Variants in CSPP1 observed in about 807,000 individuals in gnomAD.
CSPP1 encodes centrosome and spindle pole associated protein 1, also known as centrosome and spindle pole-associated protein 1.
A neutral mutation model predicts 164.4 loss-of-function variants in CSPP1; 126 were observed. The ratio of observed to expected loss-of-function variants is 0.77; its 90% CI spans 0.66 to 0.89. The LOEUF (loss-of-function observed/expected upper bound fraction) is 0.89. Among genes scored for constraint, CSPP1 ranks in the 40% least tolerant of loss-of-function variants. CSPP1 has a pLI of 0.00. For synonymous variants in CSPP1, 472 were observed against 476.7 expected (o/e 0.99, Z 0.13); for missense variants, 1,395 against 1,449.8 (o/e 0.96, Z 0.61).
intron 7 of CSPP1, among the ~76,000 whole-genome samples, chr8:67,096,025 GA>G (rs1812681183): frequency 6.6e-6 from 1 of 152,196 alleles, no homozygotes; most frequent in Non-Finnish European, 1.5e-5. Context: ...GGACAGAGAG[GA>G]AATGTCCACA....
intron 13 of CSPP1, among the ~76,000 whole-genome samples, 166 bp downstream of exon 13, chr8:67,116,288 A>G (rs1210368012): frequency 6.6e-6 from 1 of 152,144 alleles, no homozygotes; most frequent in South Asian, 2.1e-4. Context: ...CTGCTATTAT[A>G]AAAAAAGGGA....
chr8:67,095,804 T>C (rs2129545586), intron 7 of CSPP1, 72 bp downstream of exon 7: 1 of 929,040 alleles, frequency 1.1e-6, no homozygotes, highest in Middle Eastern at 3.2e-4. Context: ...CTGTTGTTAC[T>C]TTTTATCATT....
intron 15 of CSPP1, 78 bp downstream of exon 15, chr8:67,118,899 C>G: frequency 2.1e-6 from 2 of 947,350 alleles, no homozygotes; most frequent in East Asian, 2.5e-5. Flanking sequence ...AGCCACCATC[C>G]TAACATTTTA....
At chr8:67,078,112 G>A (rs899067897) in intron 3 of CSPP1, among the ~76,000 whole-genome samples, 2 of 151,936 alleles carry the variant, frequency 1.3e-5, no homozygotes, top group African/African-American at 4.8e-5. Flanking sequence ...TTAATAGTAG[G>A]TTATCTCAAG....
chr8:67,133,367 C>G (rs968903288), intron 16 of CSPP1, among the ~76,000 whole-genome samples: 1 of 152,096 alleles, frequency 6.6e-6, no homozygotes, highest in African/African-American at 2.4e-5. Context: ...AGGTTTAGTT[C>G]CAGACCACAG....
intron 15 of CSPP1, among the ~76,000 whole-genome samples, chr8:67,120,665 C>T (rs1818796720): frequency 6.6e-6 from 1 of 151,712 alleles, no homozygotes; most frequent in Non-Finnish European, 1.5e-5. Flanking sequence ...TCAAATTGTT[C>T]ATTGTTAGTG....
At chr8:67,151,051 G>C (rs1017833587) in intron 18 of CSPP1, among the ~76,000 whole-genome samples, 1 of 152,136 alleles carries the variant, frequency 6.6e-6, no homozygotes, top group Non-Finnish European at 1.5e-5. Context: ...AGTGAAGTGG[G>C]GAGCTGTGAT....
chr8:67,168,498 A>G (rs1026728067), intron 24 of CSPP1, among the ~76,000 whole-genome samples: 1 of 152,222 alleles, frequency 6.6e-6, no homozygotes, highest in African/African-American at 2.4e-5. Context: ...CCCTTTGAGA[A>G]TCTAGTGAAG....
In CSPP1 at chr8:67,076,624, G is replaced by C. The variant is rs369327242; in HGVS notation, c.199+43G>C. ...CTAAACTTATTTTAAGATATCCTTA[G>C]TGGGCTCTTCTGAAAGAGGTTTGTC... is the stretch of plus-strand genomic sequence containing the variant. On this transcript the variant is annotated intron_variant, in intron 3 of 30. Transcript: ENST00000678616. 3.5e-5 allele frequency: 38 copies of C among 1,072,072 alleles called. No homozygotes were observed. In the African/African-American group the frequency reaches 5.4e-4, roughly 15 times the overall value. 66.4% of individuals were successfully genotyped at this position (1,072,072 alleles called of 1,614,324 possible). A position where few individuals can be genotyped will look rare whatever the true frequency, so the allele number is the denominator to read the frequency against.
intron 24 of CSPP1, among the ~76,000 whole-genome samples, chr8:67,167,981 C>T (rs1232012828): frequency 7.2e-5 from 11 of 152,132 alleles, no homozygotes; most frequent in East Asian, 1.9e-4. Flanking sequence ...GCCGAGATCA[C>T]GCCACTGCAT....
At chr8:67,097,726 C>T (rs528311179) in intron 7 of CSPP1, among the ~76,000 whole-genome samples, 1 of 151,350 alleles carries the variant, frequency 6.6e-6, no homozygotes, top group East Asian at 1.9e-4. Flanking sequence ...ATAATTATAT[C>T]CTGTGATAAT....
intron 15 of CSPP1, among the ~76,000 whole-genome samples, chr8:67,126,295 A>G (rs1820048984): frequency 6.6e-6 from 1 of 152,112 alleles, no homozygotes; most frequent in Non-Finnish European, 1.5e-5. Context: ...TTTCTTTGCA[A>G]GTGTCATAAT....
chr8:67,172,740 T>C (rs1478223908), intron 25 of CSPP1, 185 bp downstream of exon 25: 1 of 525,768 alleles, frequency 1.9e-6, no homozygotes, highest in African/African-American at 1.9e-5. Context: ...AGATGAAGCT[T>C]TAGTTTGACT....
chr8:67,104,117 CAT>C (rs2129547336), intron 8 of CSPP1, among the ~76,000 whole-genome samples: 2 of 152,168 alleles, frequency 1.3e-5, no homozygotes, highest in East Asian at 3.9e-4. Flanking sequence ...AAGATAATGT[CAT>C]ATGTCAAGAA....
At chr8:67,076,425 G>A in intron 2 of CSPP1, 57 bp from the exon 3 acceptor site, 3 of 931,124 alleles carry the variant, frequency 3.2e-6, no homozygotes, top group Non-Finnish European at 4.9e-6. Flanking sequence ...GAGATGAGTT[G>A]TATATTTCAT....
At chr8:67,107,983 G>GTGT (rs1554577575) in intron 9 of CSPP1, among the ~76,000 whole-genome samples, 9 of 127,160 alleles carry the variant, frequency 7.1e-5, no homozygotes, top group Non-Finnish European at 1.3e-4. Flanking sequence ...CTTTGACAAA[G>GTGT]TTTTTTTTTT....
intron 28 of CSPP1, among the ~76,000 whole-genome samples, chr8:67,186,432 A>G (rs1360747888): frequency 2.6e-5 from 4 of 151,702 alleles, no homozygotes; most frequent in African/African-American, 7.3e-5. Context: ...AAAAAAAAAA[A>G]AAAGTCCAAG....
intron 21 of CSPP1, among the ~76,000 whole-genome samples, chr8:67,159,828 CTCTTTCTT>C (rs1268807930): frequency 2.8e-4 from 38 of 134,082 alleles, no homozygotes; most frequent in Non-Finnish European, 2.0e-4. Context: ...GGCCTTCTCT[CTCTTTCTT>C]TCTTTCTTTC....
intron 17 of CSPP1, among the ~76,000 whole-genome samples, chr8:67,145,590 C>A (rs1220355085): frequency 6.6e-6 from 1 of 151,492 alleles, no homozygotes; most frequent in Non-Finnish European, 1.5e-5. Context: ...GTGGCACAAT[C>A]TCGGCTCACT....
Sources: allele counts gnomAD v4.1 joint callset (sites outside exome capture counted in the v4.1 genomes callset), GRCh38; gene constraint gnomAD v4.1.1; transcripts MANE v1.5; gene names NCBI Gene and HGNC (gene_info 2026-07-23, HGNC 2026-07-21).